Variants in SH3RF3 observed in about 807,000 individuals in gnomAD.
The protein encoded by SH3RF3 is SH3 domain containing ring finger 3.
SH3RF3 carries 29 observed loss-of-function variants against 66.3 expected under a neutral mutation model. The observed-to-expected ratio is 0.44, with a 90% CI of 0.33 to 0.60. The LOEUF is 0.60. Among genes scored for constraint, SH3RF3 ranks in the 20% least tolerant of loss-of-function variants. The pLI is 0.04. For missense variants in SH3RF3, 1,194 were observed against 1,190.9 expected (o/e 1.00, Z -0.04); for synonymous variants, 583 against 532.0 (o/e 1.10, Z -1.32).
intron 6 of SH3RF3, among the ~76,000 whole-genome samples, chr2:109,434,333 G>A (rs898672631): frequency 2.6e-5 from 4 of 152,240 alleles, no homozygotes; most frequent in African/African-American, 9.6e-5. Context: ...CAGCTTCTGA[G>A]GGAGGCCATC....
In SH3RF3 at chr2:109,428,249, A is replaced by G. The variant is rs192049538; in HGVS notation, c.1404-4252A>G. 5.0e-3 allele frequency among the ~76,000 whole-genome samples: 762 copies of G among 152,298 alleles called. 5 individuals are homozygous for G. Among genetic ancestry groups the G allele is most frequent in the Non-Finnish European group, 9.4e-3 (640 of 68,026 alleles). On this transcript the variant is annotated intron_variant, in intron 5 of 9. Transcript: ENST00000309415. The stretch of plus-strand genomic sequence containing the variant: ...AAGACGTATGAGCAAGCCACCATCT[A>G]GAGGAGAAAGGGGATGAAATTAGCG...
intron 1 of SH3RF3, among the ~76,000 whole-genome samples, chr2:109,230,262 G>A (rs1679473468): frequency 6.6e-6 from 1 of 152,112 alleles, no homozygotes; most frequent in Non-Finnish European, 1.5e-5. Flanking sequence ...TGGTGCAAAA[G>A]CCATATACTT....
At chr2:109,440,748 C>T (rs1677537491) in intron 7 of SH3RF3, among the ~76,000 whole-genome samples, 1 of 152,172 alleles carries the variant, frequency 6.6e-6, no homozygotes, top group South Asian at 2.1e-4. Flanking sequence ...CTTGAGTTTC[C>T]AGGGCAGTGA....
At chr2:109,184,409 A>T (rs1333948672) in intron 1 of SH3RF3, among the ~76,000 whole-genome samples, 1 of 152,228 alleles carries the variant, frequency 6.6e-6, no homozygotes, top group African/African-American at 2.4e-5. Context: ...TGATGAAAGC[A>T]GATATGTCAG....
intron 1 of SH3RF3, among the ~76,000 whole-genome samples, chr2:109,245,641 A>G (rs1558978864): frequency 1.3e-5 from 2 of 152,212 alleles, no homozygotes; most frequent in South Asian, 2.1e-4. Context: ...ACGAGTTTTC[A>G]TATTTGCTTC....
chr2:109,264,128 A>T (rs1382962248), intron 1 of SH3RF3, among the ~76,000 whole-genome samples: 1 of 152,046 alleles, frequency 6.6e-6, no homozygotes, highest in Non-Finnish European at 1.5e-5. Context: ...CCTCCCCAGG[A>T]TCCACCTCGA....
chr2:109,145,624 G>A (rs1220589580), intron 1 of SH3RF3, among the ~76,000 whole-genome samples: 1 of 152,200 alleles, frequency 6.6e-6, no homozygotes, highest in Non-Finnish European at 1.5e-5. Flanking sequence ...CTATCGCCAT[G>A]CGTTTCTAGA....
intron 3 of SH3RF3, among the ~76,000 whole-genome samples, chr2:109,377,875 G>C (rs945261245): frequency 3.9e-5 from 6 of 152,192 alleles, no homozygotes; most frequent in African/African-American, 1.4e-4. Flanking sequence ...TGCCTCTTAA[G>C]TATGCTCTTG....
chr2:109,396,036 C>T (rs896506019), intron 3 of SH3RF3, among the ~76,000 whole-genome samples: 4 of 152,190 alleles, frequency 2.6e-5, no homozygotes, highest in Non-Finnish European at 4.4e-5. Context: ...AGTGCAGGCG[C>T]GTGGCAGGTG....
intron 1 of SH3RF3, among the ~76,000 whole-genome samples, chr2:109,227,249 G>A (rs1319140111): frequency 6.6e-6 from 1 of 152,202 alleles, no homozygotes; most frequent in Admixed American, 6.5e-5. Context: ...GGGGGAAGGA[G>A]CTAAGAGAAA....
intron 5 of SH3RF3, among the ~76,000 whole-genome samples, chr2:109,420,509 G>A (rs985576061): frequency 6.6e-6 from 1 of 152,058 alleles, no homozygotes; most frequent in African/African-American, 2.4e-5. Flanking sequence ...GCAATGGCGC[G>A]ATCCCGGCTC....
chr2:109,161,855 G>T (rs1362936422), intron 1 of SH3RF3, among the ~76,000 whole-genome samples: 1 of 151,932 alleles, frequency 6.6e-6, no homozygotes, highest in Non-Finnish European at 1.5e-5. Flanking sequence ...CCAACATTGG[G>T]GATCACATTT....
intron 8 of SH3RF3, among the ~76,000 whole-genome samples, chr2:109,472,548 A>G (rs1479939410): frequency 2.0e-5 from 3 of 152,284 alleles, no homozygotes; most frequent in Non-Finnish European, 4.4e-5. Context: ...CCCCGATCCA[A>G]TTGATGAACC....
chr2:109,381,702 C>A (rs1675677902), intron 3 of SH3RF3, among the ~76,000 whole-genome samples: 1 of 152,028 alleles, frequency 6.6e-6, no homozygotes, highest in Admixed American at 6.6e-5. Context: ...GACAGCTTTA[C>A]TGGTGACATC....
At chr2:109,346,474 G>C (rs1682702212) in intron 1 of SH3RF3, among the ~76,000 whole-genome samples, 1 of 152,134 alleles carries the variant, frequency 6.6e-6, no homozygotes, top group African/African-American at 2.4e-5. Context: ...CTTCTGGTAG[G>C]AAAATCGTTG....
At chr2:109,457,603 C>T (rs930275269) in intron 8 of SH3RF3, among the ~76,000 whole-genome samples, 2 of 152,220 alleles carry the variant, frequency 1.3e-5, no homozygotes, top group Non-Finnish European at 1.5e-5. Flanking sequence ...GTGGCTGGGG[C>T]GAGCGATGCA....
chr2:109,228,534 G>A (rs1028454815), intron 1 of SH3RF3, among the ~76,000 whole-genome samples: 5 of 152,196 alleles, frequency 3.3e-5, no homozygotes, highest in African/African-American at 1.2e-4. Context: ...CCCCTTCCAT[G>A]TGGAGCTAGT....
chr2:109,359,035 T>G (rs1248518567), intron 2 of SH3RF3, among the ~76,000 whole-genome samples: 1 of 152,252 alleles, frequency 6.6e-6, no homozygotes, highest in Non-Finnish European at 1.5e-5. Context: ...TTTTAAAAAC[T>G]ATCTTTTCTC....
intron 3 of SH3RF3, among the ~76,000 whole-genome samples, chr2:109,378,864 G>A (rs1327367138): frequency 6.6e-6 from 1 of 152,160 alleles, no homozygotes; most frequent in African/African-American, 2.4e-5. Context: ...CCCCAGTGCT[G>A]GATAGTTCCC....
Sources: allele counts gnomAD v4.1 joint callset (sites outside exome capture counted in the v4.1 genomes callset), GRCh38; gene constraint gnomAD v4.1.1; transcripts MANE v1.5; gene names NCBI Gene and HGNC (gene_info 2026-07-23, HGNC 2026-07-21).